PNPLA1: variants seen among roughly 807,000 people sequenced by gnomAD.
PNPLA1 encodes omega-hydroxyceramide transacylase.
A neutral mutation model predicts 51.7 loss-of-function variants in PNPLA1; 36 were observed. The observed-to-expected ratio is 0.70, with a 90% confidence interval of 0.53 to 0.92. PNPLA1 has a LOEUF of 0.92. PNPLA1 is among the 40% of genes least tolerant of loss of function. PNPLA1 has a pLI of 0.00. For missense variants in PNPLA1, 658 were observed against 682.5 expected (o/e 0.96, Z 0.40); for synonymous variants, 293 against 280.1 (o/e 1.05, Z -0.46).
chr6:36,292,846 A>G (rs188839833), intron 2 of PNPLA1, among the ~76,000 whole-genome samples: 20 of 152,328 alleles, frequency 1.3e-4, no homozygotes, highest in Admixed American at 1.1e-3. Context: ...TAAAGCTGGG[A>G]CATCAGGGCC....
chr6:36,249,383 G>A (rs4713940), intron 1 of PNPLA1, among the ~76,000 whole-genome samples: 112,977 of 152,166 alleles, frequency 0.74, 42,430 homozygotes, highest in Admixed American at 0.85. Context: ...GTTCTAATTT[G>A]CCAAACCTTA....
At chr6:36,307,750 G>C (rs1301716313) in intron 8 of PNPLA1, 38 bp downstream of exon 8, 8 of 1,610,040 alleles carry the variant, frequency 5.0e-6, no homozygotes, top group Non-Finnish European at 2.5e-6. Context: ...CCACGGAGAG[G>C]AGCAGCTTTG....
chr6:36,303,444 C>G (rs766666180), intron 6 of PNPLA1, among the ~76,000 whole-genome samples: 8 of 152,180 alleles, frequency 5.3e-5, no homozygotes, highest in Non-Finnish European at 1.0e-4. Flanking sequence ...TTCAGAAGCA[C>G]CACTATAGGG....
upstream of PNPLA1, among the ~76,000 whole-genome samples, chr6:36,266,365 G>T (rs1203776139): frequency 1.3e-5 from 2 of 152,244 alleles, no homozygotes; most frequent in South Asian, 2.1e-4. Flanking sequence ...CACTCAGTGT[G>T]TCTGCCACGT....
At chr6:36,301,379 G>A (rs757904979) in intron 5 of PNPLA1, among the ~76,000 whole-genome samples, 24 of 152,046 alleles carry the variant, frequency 1.6e-4, no homozygotes, top group East Asian at 1.2e-3. Flanking sequence ...GACATGGTCC[G>A]GCCCCTGCCG....
intron 1 of PNPLA1, among the ~76,000 whole-genome samples, chr6:36,252,559 A>G (rs867368128): frequency 6.8e-5 from 9 of 132,422 alleles, no homozygotes; most frequent in African/African-American, 1.9e-4. Flanking sequence ...AAAAAAAAAA[A>G]CCCAGGCACT....
At chr6:36,295,317 C>G (rs1255717960) in intron 4 of PNPLA1, 47 bp from the exon 5 acceptor site, 2 of 1,605,504 alleles carry the variant, frequency 1.2e-6, no homozygotes, top group Non-Finnish European at 8.5e-7. Flanking sequence ...CTGTGGCTCC[C>G]TTCCTCCCCG....
At chr6:36,300,157 A>C (rs1770985284) in intron 5 of PNPLA1, among the ~76,000 whole-genome samples, 2 of 78,538 alleles carry the variant, frequency 2.5e-5, no homozygotes, top group Admixed American at 1.5e-4. Flanking sequence ...GACTTTTCTT[A>C]TTCTTGTGTG....
At chr6:36,274,248 G>A (rs1278719261) in intron 1 of PNPLA1, among the ~76,000 whole-genome samples, 1 of 152,144 alleles carries the variant, frequency 6.6e-6, no homozygotes, top group East Asian at 1.9e-4. Flanking sequence ...ATAGCACTTG[G>A]TAAAGCTAGA....
At chr6:36,270,851 C>A (rs1306087633) in intron 1 of PNPLA1, among the ~76,000 whole-genome samples, 187 bp downstream of exon 1, 1 of 152,150 alleles carries the variant, frequency 6.6e-6, no homozygotes, top group East Asian at 1.9e-4. Context: ...GTCTGCCAGG[C>A]CCCAGACTCT....
intron 1 of PNPLA1, among the ~76,000 whole-genome samples, chr6:36,245,975 G>A (rs764462091): frequency 7.9e-5 from 12 of 152,158 alleles, no homozygotes; most frequent in African/African-American, 2.7e-4. Context: ...ACAGATATAC[G>A]AATGGCACAG....
intron 6 of PNPLA1, among the ~76,000 whole-genome samples, 175 bp downstream of exon 6, chr6:36,302,644 G>A (rs1230581670): frequency 1.3e-5 from 2 of 152,196 alleles, no homozygotes; most frequent in African/African-American, 4.8e-5. Context: ...CAGTGTAATA[G>A]ACATTGGTTC....
Position 36,291,571 on chromosome 6 carries a change from G to GAA in PNPLA1, c.438+20_438+21insAA. ...CATTGAGGCAAGGGGGCTGGGCTGGGAGGGAGGGACACGGAGGGGGCGGGG... is the reference window on the plus strand; with the variant it reads ...CATTGAGGCAAGGGGGCTGGGCTGGGAAAGGGAGGGACACGGAGGGGGCGGGG... On this transcript the variant is annotated intron_variant, in intron 2 of 8. Transcript: ENST00000636260. The GAA allele has an allele frequency of 1.0e-6, 1 of 981,966 alleles. No homozygotes were observed. The highest frequency in any genetic ancestry group is 1.5e-6 in the Non-Finnish European group (1 of 646,344). 60.8% of individuals were successfully genotyped at this position (981,966 alleles called of 1,614,324 possible).
At chr6:36,248,088 T>C (rs924463994) in intron 1 of PNPLA1, among the ~76,000 whole-genome samples, 1 of 152,142 alleles carries the variant, frequency 6.6e-6, no homozygotes, top group African/African-American at 2.4e-5. Flanking sequence ...TGTTGTCACA[T>C]GCAGTCACTT....
intron 6 of PNPLA1, 109 bp from the exon 7 acceptor site, chr6:36,306,183 G>A (rs1771228009): frequency 1.2e-6 from 1 of 818,742 alleles, no homozygotes; most frequent in South Asian, 1.8e-5. Context: ...GGACAAGAGA[G>A]TTCTTTGCTG....
intron 1 of PNPLA1, among the ~76,000 whole-genome samples, chr6:36,281,720 G>T (rs539900907): frequency 6.6e-6 from 1 of 152,100 alleles, no homozygotes; most frequent in South Asian, 2.1e-4. Flanking sequence ...TTATACATTG[G>T]TTAAGAAAGT....
chr6:36,254,551 G>A (rs1769488707), intron 1 of PNPLA1, among the ~76,000 whole-genome samples: 1 of 151,812 alleles, frequency 6.6e-6, no homozygotes, highest in Admixed American at 6.6e-5. Context: ...TTCCAGCATA[G>A]GCGACGGAGG....
At chr6:36,246,497 C>T (rs1049430483) in intron 1 of PNPLA1, among the ~76,000 whole-genome samples, 4 of 152,092 alleles carry the variant, frequency 2.6e-5, no homozygotes, top group South Asian at 2.1e-4. Flanking sequence ...CCATGGTGCC[C>T]GGCCAGATCC....
intron 6 of PNPLA1, among the ~76,000 whole-genome samples, chr6:36,304,824 A>G (rs997596047): frequency 1.5e-4 from 23 of 152,144 alleles, no homozygotes; most frequent in African/African-American, 5.6e-4. Flanking sequence ...TAGAGGGCAT[A>G]TATAGTCTAG....
Sources: gnomAD v4.1 joint callset for allele counts (sites outside exome capture counted in the v4.1 genomes callset) on GRCh38, gnomAD v4.1.1 for gene constraint, MANE v1.5 for transcripts, NCBI Gene and HGNC (gene_info 2026-07-23, HGNC 2026-07-21) for gene names.